IL31RA: variants seen among roughly 807,000 people sequenced by gnomAD.
IL31RA encodes the protein interleukin 31 receptor A, also known as interleukin-31 receptor subunit alpha.
Under a neutral mutation model 83.7 loss-of-function variants are expected in IL31RA, and 66 were observed. That is an observed-to-expected ratio of 0.79 (90% confidence interval 0.65 to 0.97). The LOEUF is 0.97. Among genes scored for constraint, IL31RA ranks in the 50% least tolerant of loss-of-function variants. The pLI, the probability that IL31RA is intolerant of heterozygous loss-of-function variation, is 0.00. For synonymous variants in IL31RA, 325 were observed against 329.0 expected, an observed-to-expected ratio of 0.99 and a Z score of 0.13; for missense variants, 798 against 919.4, an observed-to-expected ratio of 0.87 and a Z score of 1.71.
At chr5:55,906,470 G>A (rs1372776715) in intron 9 of IL31RA, among the ~76,000 whole-genome samples, 182 bp downstream of exon 9, 2 of 152,204 alleles carry the variant, frequency 1.3e-5, no homozygotes, top group African/African-American at 4.8e-5. Flanking sequence ...GGCACAGAAA[G>A]CTGTGGGTGT....
chr5:55,897,894 C>A (rs1748519971), intron 7 of IL31RA, among the ~76,000 whole-genome samples: 1 of 152,204 alleles, frequency 6.6e-6, no homozygotes, highest in African/African-American at 2.4e-5. Flanking sequence ...GAAGTCCAGG[C>A]AAGTTCAAAA....
chr5:55,844,386 A>G, the IL31RA span, among the ~76,000 whole-genome samples: 9 of 152,220 alleles, frequency 5.9e-5, no homozygotes, highest in African/African-American at 1.9e-4. Flanking sequence ...TCAGATCTAC[A>G]TAAGGAAAGG....
At chr5:55,864,176 G>A (rs112188998) in intron 2 of IL31RA, among the ~76,000 whole-genome samples, 6 of 152,204 alleles carry the variant, frequency 3.9e-5, no homozygotes, top group African/African-American at 1.4e-4. Flanking sequence ...GAAATCCTCC[G>A]GCGAGTTAGT....
Position 55,859,565 on chromosome 5 carries a change from G to A in IL31RA, c.120G>A (p.Trp40Ter). Residue 40 changes from tryptophan to a stop codon, truncating the protein, a stop_gained, in exon 2 of 15, where the codon TGG becomes TGA. Coordinates refer to ENST00000652347, the MANE Select transcript of IL31RA (RefSeq NM_139017.7). LOFTEE classifies it high-confidence loss of function. ...GGATGATGTGGACCTGGGCACTGTG[G>A]ATGCTCCCCTCACTCTGCAAATTCA... ...NLGMMWTWALWMLPSLCKFSL... is the reference protein window; with the variant it reads ...NLGMMWTWAL 6.2e-7 allele frequency: 1 copy of A among 1,612,934 alleles called. No homozygotes were observed.
At chr5:55,859,310 G>A (rs749030528) in intron 1 of IL31RA, among the ~76,000 whole-genome samples, 199 bp from the exon 2 acceptor site, 4 of 152,198 alleles carry the variant, frequency 2.6e-5, no homozygotes, top group Admixed American at 6.5e-5. Flanking sequence ...AAAGGAAAAC[G>A]TGTTGTAATT....
chr5:55,853,355 TG>T (rs1355132085), intron 1 of IL31RA: 1 of 1,308,054 alleles, frequency 7.6e-7, no homozygotes, highest in African/African-American at 1.5e-5. Context: ...CCAGCATAAG[TG>T]GGTAAGTGCC....
chr5:55,850,069 T>C (rs561046600), upstream of IL31RA, among the ~76,000 whole-genome samples: 23 of 152,334 alleles, frequency 1.5e-4, 1 homozygote, highest in South Asian at 4.8e-3. Context: ...TAACTTCTGG[T>C]TTTGTTATTA....
At chr5:55,909,628 G>A (rs1749372441) in intron 11 of IL31RA, among the ~76,000 whole-genome samples, 1 of 151,710 alleles carries the variant, frequency 6.6e-6, no homozygotes, top group East Asian at 1.9e-4. Flanking sequence ...GTATGTAGTG[G>A]TTATCTCATT....
intron 13 of IL31RA, 66 bp from the exon 14 acceptor site, chr5:55,914,781 A>T: frequency 8.8e-7 from 1 of 1,137,326 alleles, no homozygotes; most frequent in South Asian, 1.2e-5. Context: ...CACTCTTTTG[A>T]CTCAGCCATA....
chr5:55,873,846 TTTC>T (rs1213298617), intron 4 of IL31RA, among the ~76,000 whole-genome samples: 1 of 152,126 alleles, frequency 6.6e-6, no homozygotes, highest in East Asian at 1.9e-4. Flanking sequence ...GTTTGTGGGT[TTTC>T]TTTTACTTTT....
rs556760148 is a variant in IL31RA at position 55,903,305 on chromosome 5, G to A, written c.1070-2801G>A. On this transcript the variant is annotated intron_variant, in intron 8 of 14. Transcript: ENST00000652347. The surrounding 1 kb of genome is among the most constrained non-coding windows in gnomAD (Gnocchi z 4.7). ...GAAGCAGCACCAGCACGTGAGCCCCGGGTGACTGTCTTCATGCAGATCACA... is the reference window on the plus strand; with the variant it reads ...GAAGCAGCACCAGCACGTGAGCCCCAGGTGACTGTCTTCATGCAGATCACA... Among the ~76,000 whole-genome samples the A allele has an allele frequency of 1.1e-4, 16 of 152,286 alleles. No homozygotes were observed. Among genetic ancestry groups the A allele is most frequent in the African/African-American group, 3.4e-4 (14 of 41,570 alleles).
upstream of IL31RA, chr5:55,851,310 C>G (rs973111902): frequency 5.5e-6 from 3 of 548,694 alleles, no homozygotes; most frequent in Non-Finnish European, 9.8e-6. Context: ...TACTATGACT[C>G]ATGCCTGAAT....
chr5:55,906,367 G>C (rs1297785692), intron 9 of IL31RA, 79 bp downstream of exon 9: 2 of 1,381,384 alleles, frequency 1.4e-6, no homozygotes, highest in Non-Finnish European at 2.0e-6. Context: ...CTTTAACTTT[G>C]GCTTCAAAGC....
intron 4 of IL31RA, among the ~76,000 whole-genome samples, chr5:55,881,341 C>G (rs1747208346): frequency 1.3e-5 from 2 of 151,400 alleles, no homozygotes; most frequent in Admixed American, 6.6e-5. Context: ...GAAAAAAAAG[C>G]TTTAGAGCAG....
intron 7 of IL31RA, 40 bp downstream of exon 7, chr5:55,896,469 C>A: frequency 7.4e-7 from 1 of 1,342,938 alleles, no homozygotes; most frequent in Non-Finnish European, 1.1e-6. Context: ...TCTTTCTTCC[C>A]CTTCCCTCCT....
Position 55,917,940 on chromosome 5 carries a change from C to T in IL31RA, c.*820C>T, listed in dbSNP as rs1262406877. 6.6e-6 allele frequency among the ~76,000 whole-genome samples: 1 copy of T among 152,218 alleles called. No homozygotes were observed. The highest frequency in any genetic ancestry group is 1.5e-5 in the Non-Finnish European group (1 of 68,042). ...GTCATATAGGGACGCTGGCCCCTCACACTGGTTCAGAGCCCAGGAATGCTT... is the reference window on the plus strand; with the variant it reads ...GTCATATAGGGACGCTGGCCCCTCATACTGGTTCAGAGCCCAGGAATGCTT... On this transcript the variant is annotated 3_prime_UTR_variant, in exon 15 of 15. Coordinates refer to ENST00000652347, the MANE Select transcript of IL31RA (RefSeq NM_139017.7).
chr5:55,888,009 C>T (rs1475006224), intron 5 of IL31RA, among the ~76,000 whole-genome samples: 1 of 151,156 alleles, frequency 6.6e-6, no homozygotes, highest in Non-Finnish European at 1.5e-5. Flanking sequence ...AAGATCGTGC[C>T]ACTGCACTCC....
At chr5:55,871,859 G>A (rs1580676736) in intron 3 of IL31RA, among the ~76,000 whole-genome samples, 1 of 139,270 alleles carries the variant, frequency 7.2e-6, no homozygotes, top group East Asian at 1.9e-4. Flanking sequence ...CTACCATAAT[G>A]TATTTAACAA....
chr5:55,868,596 T>G (rs1746324347), intron 2 of IL31RA, among the ~76,000 whole-genome samples, 195 bp from the exon 3 acceptor site: 1 of 152,212 alleles, frequency 6.6e-6, no homozygotes, highest in Non-Finnish European at 1.5e-5. Context: ...GAAATCTAGC[T>G]CTTGAAAGGG....
Sources: allele counts gnomAD v4.1 joint callset (sites outside exome capture counted in the v4.1 genomes callset), GRCh38; gene constraint gnomAD v4.1.1; non-coding constraint Gnocchi (gnomAD v3.1); transcripts MANE v1.5; gene names NCBI Gene and HGNC (gene_info 2026-07-23, HGNC 2026-07-21).